Variants in VWC2L observed in about 807,000 individuals in gnomAD.
VWC2L encodes von Willebrand factor C domain containing 2 like.
In VWC2L, 10 loss-of-function variants were observed where a neutral mutation model predicts 21.6. The ratio of observed to expected loss-of-function variants is 0.46; its 90% CI spans 0.29 to 0.78. The LOEUF (loss-of-function observed/expected upper bound fraction) is 0.78, where lower values mean the gene tolerates loss of function less well. VWC2L is among the 30% of genes least tolerant of loss of function. The pLI, the probability that VWC2L is intolerant of heterozygous loss-of-function variation, is 0.10. For synonymous variants in VWC2L, 96 were observed against 94.3 expected, an observed-to-expected ratio of 1.02 and a Z score of -0.10; for missense variants, 209 against 277.1, an observed-to-expected ratio of 0.75 and a Z score of 1.74.
At chr2:214,513,835 A>G (rs1472795879) in intron 3 of VWC2L, among the ~76,000 whole-genome samples, 2 of 152,086 alleles carry the variant, frequency 1.3e-5, no homozygotes, top group African/African-American at 4.8e-5. Flanking sequence ...AATCTTCCGG[A>G]AAGCTCTAAA....
chr2:214,493,601 C>A (rs567683173), intron 3 of VWC2L, among the ~76,000 whole-genome samples: 1 of 152,260 alleles, frequency 6.6e-6, no homozygotes, highest in East Asian at 1.9e-4. Context: ...AGTAAATACA[C>A]TGAAAGAGGA....
intron 3 of VWC2L, among the ~76,000 whole-genome samples, chr2:214,454,913 T>C (rs1021409812): frequency 3.9e-5 from 6 of 152,172 alleles, no homozygotes; most frequent in Non-Finnish European, 8.8e-5. Context: ...AAGTCAACTT[T>C]GCATTCCTGA....
chr2:214,539,245 C>A (rs893472470), intron 3 of VWC2L, among the ~76,000 whole-genome samples: 3 of 152,064 alleles, frequency 2.0e-5, no homozygotes, highest in African/African-American at 7.2e-5. Context: ...ACGCATAACC[C>A]AATTGGCATC....
chr2:214,568,660 G>A (rs1690104931), intron 3 of VWC2L, among the ~76,000 whole-genome samples: 3 of 152,108 alleles, frequency 2.0e-5, no homozygotes, highest in Non-Finnish European at 4.4e-5. Flanking sequence ...GAACAGCACA[G>A]GAAAGACCCA....
At chr2:214,554,437 G>A (rs1255114932) in intron 3 of VWC2L, among the ~76,000 whole-genome samples, 2 of 152,124 alleles carry the variant, frequency 1.3e-5, no homozygotes, top group African/African-American at 4.8e-5. Flanking sequence ...GCCGAGGCGG[G>A]TGGATCACCT....
intron 3 of VWC2L, among the ~76,000 whole-genome samples, chr2:214,472,472 A>G (rs750192362): frequency 2.0e-5 from 3 of 152,272 alleles, no homozygotes; most frequent in East Asian, 1.9e-4. Context: ...ACATTTGCCA[A>G]TAAGTGACAA....
intron 3 of VWC2L, among the ~76,000 whole-genome samples, chr2:214,565,319 A>G (rs1690046172): frequency 6.6e-6 from 1 of 152,210 alleles, no homozygotes; most frequent in Admixed American, 6.5e-5. Flanking sequence ...CCTCTTTGTT[A>G]TCCCTTAACT....
At chr2:214,543,746 T>C (rs1689663189) in intron 3 of VWC2L, among the ~76,000 whole-genome samples, 1 of 152,110 alleles carries the variant, frequency 6.6e-6, no homozygotes, top group African/African-American at 2.4e-5. Flanking sequence ...AACAGCATCC[T>C]ATATGCCCTC....
At chr2:214,431,985 G>A (rs1702607138) in intron 2 of VWC2L, among the ~76,000 whole-genome samples, 1 of 152,182 alleles carries the variant, frequency 6.6e-6, no homozygotes, top group South Asian at 2.1e-4. Context: ...GTGAGTTTAT[G>A]TGCATTGCCA....
At chr2:214,518,196 T>C (rs1459339019) in intron 3 of VWC2L, among the ~76,000 whole-genome samples, 1 of 152,152 alleles carries the variant, frequency 6.6e-6, no homozygotes, top group Non-Finnish European at 1.5e-5. Context: ...GTACTGTATG[T>C]CAACTGATAG....
intron 3 of VWC2L, among the ~76,000 whole-genome samples, chr2:214,570,688 T>TGA (rs1690137438): frequency 1.3e-5 from 2 of 149,192 alleles, no homozygotes; most frequent in South Asian, 4.3e-4. Context: ...GTGTTTCATT[T>TGA]AAAAAAAAAA....
At position 214,477,173 on chromosome 2, in the gene VWC2L, C is replaced by T. The variant is rs186575205; in HGVS notation, c.520+40415C>T. ...AATTTAGGTGAAAAGGGACAGAGCT[C>T]AATTAGTCAGAAAATGCCATTCATG... On this transcript the variant is annotated intron_variant, in intron 3 of 3. Coordinates refer to ENST00000312504, the MANE Select transcript of VWC2L (RefSeq NM_001080500.4). Among the ~76,000 whole-genome samples the T allele has an allele frequency of 1.2e-3, 187 of 152,294 alleles. 1 individual carries two copies. Among genetic ancestry groups the T allele is most frequent in the Admixed American group, 0.012 (186 of 15,304 alleles).
chr2:214,520,488 T>A (rs1271644327), intron 3 of VWC2L, among the ~76,000 whole-genome samples: 1 of 152,240 alleles, frequency 6.6e-6, no homozygotes, highest in Non-Finnish European at 1.5e-5. Flanking sequence ...CATGAGTCTT[T>A]GTTCATGATT....
chr2:214,542,774 T>C (rs1689647913), intron 3 of VWC2L, among the ~76,000 whole-genome samples: 1 of 152,126 alleles, frequency 6.6e-6, no homozygotes, highest in Non-Finnish European at 1.5e-5. Flanking sequence ...CCAGGGGTGG[T>C]TAAAGCTAAT....
At chr2:214,543,210 A>G (rs1374753195) in intron 3 of VWC2L, among the ~76,000 whole-genome samples, 4 of 152,224 alleles carry the variant, frequency 2.6e-5, no homozygotes, top group African/African-American at 4.8e-5. Context: ...TAAGTTGAAT[A>G]GAAATGGTTT....
chr2:214,459,670 G>A (rs748348206), intron 3 of VWC2L, among the ~76,000 whole-genome samples: 3 of 152,006 alleles, frequency 2.0e-5, no homozygotes, highest in Non-Finnish European at 4.4e-5. Flanking sequence ...TGATGAATTC[G>A]TTCTTTTTAC....
chr2:214,474,068 C>T (rs1435070890), intron 3 of VWC2L, among the ~76,000 whole-genome samples: 4 of 151,864 alleles, frequency 2.6e-5, no homozygotes, highest in African/African-American at 9.7e-5. Context: ...AAAGGAAAGT[C>T]TACAGGTTAA....
chr2:214,487,128 G>A (rs909256062), intron 3 of VWC2L, among the ~76,000 whole-genome samples: 1 of 152,100 alleles, frequency 6.6e-6, no homozygotes, highest in Non-Finnish European at 1.5e-5. Context: ...AAGCCAGGGA[G>A]ACCTCAAAAG....
At chr2:214,566,443 C>A (rs1690063818) in intron 3 of VWC2L, among the ~76,000 whole-genome samples, 1 of 152,172 alleles carries the variant, frequency 6.6e-6, no homozygotes, top group African/African-American at 2.4e-5. Context: ...GGCCAGAAAA[C>A]TCTCTAGAGC....
Sources: allele counts gnomAD v4.1 joint callset (sites outside exome capture counted in the v4.1 genomes callset), GRCh38; gene constraint gnomAD v4.1.1; transcripts MANE v1.5; gene names NCBI Gene and HGNC (gene_info 2026-07-23, HGNC 2026-07-21).